Variants in COMMD10 observed in about 807,000 individuals in gnomAD.
COMMD10 encodes COMM domain containing 10.
A neutral mutation model predicts 28.9 loss-of-function variants in COMMD10; 33 were observed. The ratio of observed to expected loss-of-function variants is 1.14; its 90% CI spans 0.87 to 1.53. The LOEUF is 1.53. Among genes scored for constraint, COMMD10 ranks in the 40% most tolerant of loss-of-function variants. The probability of loss-of-function intolerance (pLI) is 0.00; values close to 1 mark genes in which losing one functional copy is unlikely to be tolerated. For missense variants in COMMD10, 310 were observed against 233.4 expected, an observed-to-expected ratio of 1.33 and a Z score of -2.14; for synonymous variants, 110 against 81.7, an observed-to-expected ratio of 1.35 and a Z score of -1.87.
In COMMD10 at chr5:116,239,339, C is replaced by G. The variant is rs575647258; in HGVS notation, c.511-52178C>G. 4.6e-5 allele frequency among the ~76,000 whole-genome samples: 7 copies of G among 152,284 alleles called. No individual in the cohort carries two copies. The South Asian group carries it at 1.0e-3, about 23-fold the overall frequency. On this transcript the variant is annotated intron_variant, in intron 5 of 6. Coordinates refer to ENST00000274458, the MANE Select transcript of COMMD10 (RefSeq NM_016144.4). ...TCAAAGAAGCCTCATCATAGACTTA[C>G]TCACACATTTGTGAGAGTTATTAGA... is the stretch of plus-strand genomic sequence containing the variant.
At chr5:116,213,767 G>T (rs1275227280) in intron 5 of COMMD10, among the ~76,000 whole-genome samples, 2 of 151,834 alleles carry the variant, frequency 1.3e-5, no homozygotes, top group African/African-American at 4.8e-5. Context: ...TCATAATACA[G>T]TGTTATTTCT....
At chr5:116,151,037 A>G (rs1244182997) in intron 5 of COMMD10, among the ~76,000 whole-genome samples, 9 of 150,142 alleles carry the variant, frequency 6.0e-5, no homozygotes, top group Non-Finnish European at 1.3e-4. Flanking sequence ...CGTCCCATCA[A>G]TACCTAATTT....
At position 116,281,145 on chromosome 5, in the gene COMMD10, C is replaced by A. The variant is rs190592429; in HGVS notation, c.511-10372C>A. 4.5e-4 allele frequency among the ~76,000 whole-genome samples: 68 copies of A among 151,776 alleles called. 1 individual carries two copies. Among genetic ancestry groups the A allele is most frequent in the African/African-American group, 1.6e-3 (67 of 41,216 alleles). On this transcript the variant is annotated intron_variant, in intron 5 of 6. Transcript: ENST00000274458. ...GGTTTAATTCTTACCTAGTTTATAT[C>A]TGTATTATTTAGAGGATATTTCTGC...
intron 5 of COMMD10, among the ~76,000 whole-genome samples, chr5:116,282,543 C>T (rs1295311972): frequency 6.6e-6 from 1 of 151,802 alleles, no homozygotes; most frequent in African/African-American, 2.4e-5. Context: ...GGTGTTTGGT[C>T]TTAAATTAGC....
chr5:116,215,543 C>T (rs1749071221), intron 5 of COMMD10, among the ~76,000 whole-genome samples: 1 of 151,430 alleles, frequency 6.6e-6, no homozygotes, highest in Non-Finnish European at 1.5e-5. Context: ...AAAAATGAGC[C>T]AGGCGTGGTG....
At chr5:116,121,945 T>C (rs1470598458) in intron 4 of COMMD10, among the ~76,000 whole-genome samples, 2 of 152,246 alleles carry the variant, frequency 1.3e-5, no homozygotes, top group Non-Finnish European at 2.9e-5. Flanking sequence ...CTGTTCACTC[T>C]GATGGTAGTT....
chr5:116,211,408 GGTAA>G (rs934949424), intron 5 of COMMD10, among the ~76,000 whole-genome samples: 1 of 151,984 alleles, frequency 6.6e-6, no homozygotes, highest in African/African-American at 2.4e-5. Flanking sequence ...GTAAAACAGT[GGTAA>G]GTATTTGTAT....
intron 4 of COMMD10, among the ~76,000 whole-genome samples, chr5:116,126,544 C>T (rs1456040226): frequency 6.6e-6 from 1 of 151,864 alleles, no homozygotes; most frequent in Non-Finnish European, 1.5e-5. Flanking sequence ...GCTACAGTAA[C>T]CAAAACAGCA....
chr5:116,135,058 T>C (rs1414563082), intron 5 of COMMD10, among the ~76,000 whole-genome samples: 2 of 152,206 alleles, frequency 1.3e-5, no homozygotes, highest in African/African-American at 4.8e-5. Context: ...CTTTCAGATA[T>C]GATAAGAGCT....
chr5:116,243,822 G>A (rs1421225040), intron 5 of COMMD10, among the ~76,000 whole-genome samples: 3 of 152,160 alleles, frequency 2.0e-5, no homozygotes, highest in Non-Finnish European at 4.4e-5. Flanking sequence ...GTGATAGGCA[G>A]TAAACTGCAT....
At chr5:116,162,676 A>C (rs1350653640) in intron 5 of COMMD10, among the ~76,000 whole-genome samples, 1 of 152,224 alleles carries the variant, frequency 6.6e-6, no homozygotes, top group East Asian at 1.9e-4. Flanking sequence ...TATAATTAGC[A>C]ACAAAGGTGT....
chr5:116,209,940 T>A (rs1202479879), intron 5 of COMMD10, among the ~76,000 whole-genome samples: 1 of 152,174 alleles, frequency 6.6e-6, no homozygotes, highest in East Asian at 1.9e-4. Context: ...TAGAGATTTA[T>A]TTGACCCATA....
intron 4 of COMMD10, among the ~76,000 whole-genome samples, chr5:116,101,647 G>A (rs1341313534): frequency 6.6e-5 from 10 of 151,968 alleles, no homozygotes; most frequent in African/African-American, 2.2e-4. Context: ...GGCTGGTCTC[G>A]AACTCCTGAC....
chr5:116,188,701 C>A (rs558600788), intron 5 of COMMD10: 2 of 145,854 alleles, frequency 1.4e-5, no homozygotes, highest in African/African-American at 5.2e-5. Flanking sequence ...GTGGCACGAT[C>A]TTGGCTCAGC....
intron 5 of COMMD10, among the ~76,000 whole-genome samples, chr5:116,239,527 A>G (rs1749760462): frequency 6.6e-6 from 1 of 152,114 alleles, no homozygotes; most frequent in Non-Finnish European, 1.5e-5. Flanking sequence ...AAAAGTCAGG[A>G]AGAAAATAAA....
intron 5 of COMMD10, among the ~76,000 whole-genome samples, chr5:116,220,529 T>TG (rs1749222969): frequency 6.6e-6 from 1 of 152,138 alleles, no homozygotes; most frequent in Non-Finnish European, 1.5e-5. Context: ...TTTCTGAGGT[T>TG]GGTAGCCTTG....
chr5:116,234,055 C>T (rs1749597471), intron 5 of COMMD10, among the ~76,000 whole-genome samples: 1 of 151,948 alleles, frequency 6.6e-6, no homozygotes, highest in Non-Finnish European at 1.5e-5. Context: ...GAGTCAGGGT[C>T]CCCAGTAGGG....
At chr5:116,172,883 G>C (rs748061139) in intron 5 of COMMD10, among the ~76,000 whole-genome samples, 1 of 152,024 alleles carries the variant, frequency 6.6e-6, no homozygotes, top group Non-Finnish European at 1.5e-5. Context: ...GCAAAAATTT[G>C]ACTAATACAA....
intron 4 of COMMD10, among the ~76,000 whole-genome samples, chr5:116,102,252 C>T (rs183982082): frequency 3.3e-5 from 5 of 152,180 alleles, no homozygotes; most frequent in Admixed American, 1.3e-4. Context: ...AGACAGGGGT[C>T]TAGTCTCATT....
Sources: gnomAD v4.1 joint callset for allele counts (sites outside exome capture counted in the v4.1 genomes callset) on GRCh38, gnomAD v4.1.1 for gene constraint, MANE v1.5 for transcripts, NCBI Gene and HGNC (gene_info 2026-07-23, HGNC 2026-07-21) for gene names.